The following SUPT5H variants were observed in gnomAD, a reference collection of about 807,000 sequenced individuals.
SUPT5H encodes the protein SPT5 homolog, DSIF elongation factor subunit, also known as transcription elongation factor SPT5.
SUPT5H carries 24 observed loss-of-function variants against 142.5 expected under a neutral mutation model. That is an observed-to-expected ratio of 0.17 (90% CI 0.12 to 0.24). The LOEUF is 0.24. Among genes scored for constraint, SUPT5H ranks in the 10% least tolerant of loss-of-function variants. SUPT5H has a pLI of 1.00. For missense variants in SUPT5H, 893 were observed against 1,471.8 expected, an observed-to-expected ratio of 0.61 and a Z score of 6.43; for synonymous variants, 546 against 553.0, an observed-to-expected ratio of 0.99 and a Z score of 0.18.
intron 2 of SUPT5H, 69 bp downstream of exon 2, chr19:39,446,034 G>T: frequency 6.5e-7 from 1 of 1,535,178 alleles, no homozygotes; most frequent in South Asian, 1.2e-5. Context: ...AGGCCCCTGT[G>T]GGAGGCTCGA....
At position 39,476,518 on chromosome 19, in the gene SUPT5H, G is replaced by C; in HGVS notation, c.*119G>C. On this transcript the variant is annotated 3_prime_UTR_variant, in exon 30 of 30. Coordinates refer to ENST00000432763, the MANE Select transcript of SUPT5H (RefSeq NM_001111020.3). ...GGCGGATTGTTCTGGATTTCCTTTT[G>C]TTTTTCCTTTTAGTTTTCCATCTTT... The C allele has an allele frequency of 2.9e-6, 4 of 1,364,802 alleles. No individual in the cohort carries two copies. Among genetic ancestry groups the C allele is most frequent in the Non-Finnish European group, 4.0e-6 (4 of 1,006,848 alleles). 84.5% of individuals were successfully genotyped at this position (1,364,802 alleles called of 1,614,324 possible). A position where few individuals can be genotyped will look rare whatever the true frequency, so the allele number is the denominator to read the frequency against.
chr19:39,473,451 C>T lies in SUPT5H; in HGVS notation c.2422C>T (p.Leu808=), dbSNP rs1249655707. ...RTPHYGSQTP[L]HDGSRTPAQS... ...CCCACACTACGGCTCACAGACGCCC[C>T]TGCATGATGGCAGCCGCACTCCTGC... is the stretch of plus-strand genomic sequence containing the variant. Residue 808 remains leucine, a synonymous_variant, in exon 25 of 30, where the codon CTG becomes TTG. Coordinates refer to ENST00000432763, the MANE Select transcript of SUPT5H (RefSeq NM_001111020.3). This position sits in a 1 kb window ranked among gnomAD's most constrained non-coding sequence, Gnocchi z 5.8. 9.3e-6 allele frequency: 15 copies of T among 1,613,328 alleles called. No individual in the cohort carries two copies. In the Admixed American group the frequency reaches 2.3e-4, roughly 25 times the overall value.
intron 10 of SUPT5H, 33 bp downstream of exon 10, chr19:39,459,993 G>C: frequency 6.2e-7 from 1 of 1,609,116 alleles, no homozygotes; most frequent in Non-Finnish European, 8.5e-7. Flanking sequence ...TTGGTGGGGA[G>C]ACATGGCAAC....
In SUPT5H at chr19:39,472,414, T is replaced by G. The variant is rs1312693579; in HGVS notation, c.1956T>G (p.Arg652=). Residue 652 remains arginine (R), a synonymous_variant, in exon 21 of 30, where the codon CGT becomes CGG. Transcript: ENST00000432763. This position sits in a 1 kb window ranked among gnomAD's most constrained non-coding sequence, Gnocchi z 4.2. ...HLVLAGGSKP[R]DVTNFTVGGF... is the part of the protein sequence containing the mutation. ...ACTCCTTGCTTCTATCCTAGCCCCGTGATGTGACCAACTTCACCGTGGGTG... is the reference window on the plus strand; with the variant it reads ...ACTCCTTGCTTCTATCCTAGCCCCGGGATGTGACCAACTTCACCGTGGGTG... 3.7e-6 allele frequency: 6 copies of G among 1,613,868 alleles called. No individual in the cohort carries two copies. In the African/African-American group the frequency reaches 6.7e-5, roughly 18 times the overall value.
rs1265762283 is a variant in SUPT5H, at chr19:39,466,208, A to T, written c.877-272A>T. On this transcript the variant is annotated intron_variant, in intron 11 of 29. Coordinates refer to ENST00000432763, the MANE Select transcript of SUPT5H (RefSeq NM_001111020.3). The surrounding 1 kb of genome is among the most constrained non-coding windows in gnomAD (Gnocchi z 4.3). ...AGGGAAGAATGGAGTGGGAGGCGGC[A>T]GGTTTGGGGGAATCAGCGGTTTGGC... is the stretch of plus-strand genomic sequence containing the variant. Among the ~76,000 whole-genome samples the T allele has an allele frequency of 1.3e-5, 2 of 152,086 alleles. No homozygotes were observed. The highest frequency in any genetic ancestry group is 2.9e-5 in the Non-Finnish European group (2 of 68,008).
chr19:39,448,118 G>T (rs1213923625), intron 2 of SUPT5H, among the ~76,000 whole-genome samples: 1 of 152,176 alleles, frequency 6.6e-6, no homozygotes, highest in Non-Finnish European at 1.5e-5. Context: ...GGATATGTTA[G>T]TTGCCATTTG....
In SUPT5H at chr19:39,473,217, C is replaced by T. The variant is rs530828946; in HGVS notation, c.2273C>T (p.Pro758Leu). The T allele has an allele frequency of 3.7e-5, 60 of 1,612,734 alleles. No individual in the cohort carries two copies. The highest frequency in any genetic ancestry group is 1.2e-4 in the South Asian group (11 of 91,076). ...TGCGTCCCCAGGGGCTCACGGCGCCCGGGCGGCATGACCTCGACCTATGGG... is the reference window on the plus strand; with the variant it reads ...TGCGTCCCCAGGGGCTCACGGCGCCTGGGCGGCATGACCTCGACCTATGGG... The part of the protein sequence containing the change: ...QRLTTVGSRR[P>L]GGMTSTYGRT... Residue 758 changes from proline (P) to leucine (L), a missense_variant, in exon 24 of 30, where the codon CCG becomes CTG. Pro to Leu is a moderately conservative substitution (Grantham distance 98). Around this residue, in one of 6 missense-constraint regions of SUPT5H, gnomAD observed 336 missense variants for 546.5 expected, o/e 0.61. Coordinates refer to ENST00000432763, the MANE Select transcript of SUPT5H (RefSeq NM_001111020.3). The surrounding 1 kb of genome is among the most constrained non-coding windows in gnomAD (Gnocchi z 5.8).
At chr19:39,464,712 A>G (rs889074872) in intron 10 of SUPT5H, 86 bp from the exon 11 acceptor site, 3 of 1,513,588 alleles carry the variant, frequency 2.0e-6, no homozygotes, top group Non-Finnish European at 2.7e-6. Context: ...AAATTCCTAG[A>G]AGAGGGACTG....
intron 10 of SUPT5H, among the ~76,000 whole-genome samples, chr19:39,460,980 A>C (rs1010740160): frequency 1.3e-4 from 20 of 152,098 alleles, no homozygotes; most frequent in African/African-American, 4.8e-4. Flanking sequence ...AATGTGCTCA[A>C]ATGTCCTCCT....
In SUPT5H at chr19:39,466,400, C is replaced by G. The variant is rs988983814; in HGVS notation, c.877-80C>G. 1.5e-6 allele frequency: 2 copies of G among 1,359,518 alleles called. No homozygotes were observed. The highest frequency in any genetic ancestry group is 2.1e-6 in the Non-Finnish European group (2 of 954,014). 84.2% of individuals were successfully genotyped at this position (1,359,518 alleles called of 1,614,324 possible). Reference sequence around the variant, plus strand: ...CACCATCCTGCGTCCCTTCTCCTTCCTAGCATCTCCTGACCCTTCTTGTGT... The same window carrying G: ...CACCATCCTGCGTCCCTTCTCCTTCGTAGCATCTCCTGACCCTTCTTGTGT... On this transcript the variant is annotated intron_variant, in intron 11 of 29. Transcript: ENST00000432763. The surrounding 1 kb of genome is among the most constrained non-coding windows in gnomAD (Gnocchi z 4.3).
chr19:39,445,622 A>G lies in SUPT5H; in HGVS notation c.-103A>G, dbSNP rs1600687600. On this transcript the variant is annotated 5_prime_UTR_variant, in exon 1 of 30. Transcript: ENST00000432763. ...GAACAGCAGCTGGTACCGAAGGCGGAGGTGGAGCCCGAGAGGTAAGTGCGT... is the reference window on the plus strand; with the variant it reads ...GAACAGCAGCTGGTACCGAAGGCGGGGGTGGAGCCCGAGAGGTAAGTGCGT... The G allele has an allele frequency of 2.2e-6, 1 of 459,964 alleles. No individual in the cohort carries two copies. Among genetic ancestry groups the G allele is most frequent in the African/African-American group, 1.9e-5 (1 of 51,734 alleles). 28.5% of individuals were successfully genotyped at this position (459,964 alleles called of 1,614,324 possible).
rs200402003 is a variant in SUPT5H, at chr19:39,472,952, G to C, written c.2155+23G>C. On this transcript the variant is annotated intron_variant, in intron 22 of 29. Coordinates refer to ENST00000432763, the MANE Select transcript of SUPT5H (RefSeq NM_001111020.3). This position sits in a 1 kb window ranked among gnomAD's most constrained non-coding sequence, Gnocchi z 4.2. ...AAGGTGACCTGCGAGGCCTGTGGAG[G>C]CCTGGGGAGGGGCATGGTGAAGGAG... is the stretch of plus-strand genomic sequence containing the variant. 42 of 1,611,734 alleles carry C rather than the reference G, an allele frequency of 2.6e-5. No individual in the cohort carries two copies. Among genetic ancestry groups the C allele is most frequent in the Non-Finnish European group, 3.2e-5 (38 of 1,178,536 alleles).
At position 39,473,886 on chromosome 19, in the gene SUPT5H, CTGGTGTAGGG is replaced by C; in HGVS notation, c.2493-74_2493-65del. 6.3e-7 allele frequency: 1 copy of C among 1,590,336 alleles called. No individual in the cohort carries two copies. Among genetic ancestry groups the C allele is most frequent in the South Asian group, 1.1e-5 (1 of 90,488 alleles). ...GAATGAAATTGCTTCAGTTGGGGGT[CTGGTGTAGGG>C]TGCTGTTCTGGAAGCATCCATCGCA... On this transcript the variant is annotated intron_variant, in intron 25 of 29. Transcript: ENST00000432763. The surrounding 1 kb of genome is among the most constrained non-coding windows in gnomAD (Gnocchi z 5.8).
At chr19:39,464,733 G>T (rs2079211784) in intron 10 of SUPT5H, 65 bp from the exon 11 acceptor site, 4 of 1,533,998 alleles carry the variant, frequency 2.6e-6, no homozygotes, top group African/African-American at 1.4e-5. Flanking sequence ...CTGATGAGTG[G>T]CAGTCATTTC....
chr19:39,454,128 G>T lies in SUPT5H; in HGVS notation c.241+607G>T, dbSNP rs1334550310. Among the ~76,000 whole-genome samples the T allele has an allele frequency of 3.9e-5, 6 of 152,306 alleles. No homozygotes were observed. In the South Asian group the frequency reaches 1.2e-3, roughly 32 times the overall value. ...TAAATGCTGCCTTGAGATACCTATAGCTGTAATGTGCTGTGAAAGAGCCAG... is the reference window on the plus strand; with the variant it reads ...TAAATGCTGCCTTGAGATACCTATATCTGTAATGTGCTGTGAAAGAGCCAG... On this transcript the variant is annotated intron_variant, in intron 3 of 29. Transcript: ENST00000432763.
Position 39,474,632 on chromosome 19 carries a change from G to A in SUPT5H, c.2938G>A (p.Val980Ile), listed in dbSNP as rs1394399024. 6.2e-7 allele frequency: 1 copy of A among 1,614,208 alleles called. No homozygotes were observed. Among genetic ancestry groups the A allele is most frequent in the South Asian group, 1.1e-5 (1 of 91,090 alleles). Residue 980 changes from valine (V) to isoleucine (I), a missense_variant, in exon 28 of 30, where the codon GTA becomes ATA. Physicochemically the swap from Val to Ile is conservative, Grantham distance 29 (BLOSUM62 3). Around this residue, in one of 6 missense-constraint regions of SUPT5H, gnomAD observed 336 missense variants for 546.5 expected, o/e 0.61. Transcript: ENST00000432763. This position sits in a 1 kb window ranked among gnomAD's most constrained non-coding sequence, Gnocchi z 6.5. ...SGIEQNSSDW[V>I]TTDIQVKVRD... ...CATCGAGCAGAACTCCAGCGACTGG[G>A]TAACCACTGACATTCAGGTGAAGGT...
At chr19:39,462,954 C>G (rs1249822767) in intron 10 of SUPT5H, among the ~76,000 whole-genome samples, 2 of 150,438 alleles carry the variant, frequency 1.3e-5, no homozygotes, top group African/African-American at 4.9e-5. Flanking sequence ...ATTCTCCTGC[C>G]TCAGCCTCCC....
chr19:39,457,541 C>T (rs2079105920), intron 3 of SUPT5H, 134 bp from the exon 4 acceptor site: 5 of 1,480,200 alleles, frequency 3.4e-6, no homozygotes, highest in East Asian at 2.3e-5. Flanking sequence ...ACGAGTGCCT[C>T]CCTGTTGGAG....
At position 39,473,006 on chromosome 19, in the gene SUPT5H, C is replaced by T. The variant is rs374819734; in HGVS notation, c.2156-6C>T. On this transcript the variant is annotated splice_polypyrimidine_tract_variant and splice_region_variant and intron_variant, in intron 22 of 29. Transcript: ENST00000432763. This position sits in a 1 kb window ranked among gnomAD's most constrained non-coding sequence, Gnocchi z 5.8. Reference sequence around the variant, plus strand: ...CTGCCCAGCCTGACCTCCTGTCCCCCTGCAGGCTACATCGGTGTGGTGAAA... The same window carrying T: ...CTGCCCAGCCTGACCTCCTGTCCCCTTGCAGGCTACATCGGTGTGGTGAAA... 1.9e-6 allele frequency: 3 copies of T among 1,613,580 alleles called. No homozygotes were observed. Among genetic ancestry groups the T allele is most frequent in the Non-Finnish European group, 2.5e-6 (3 of 1,179,656 alleles).
Sources: allele counts gnomAD v4.1 joint callset (sites outside exome capture counted in the v4.1 genomes callset), GRCh38; gene constraint gnomAD v4.1.1; regional missense constraint gnomAD v4.1.1; non-coding constraint Gnocchi (gnomAD v3.1); transcripts MANE v1.5; gene names NCBI Gene and HGNC (gene_info 2026-07-23, HGNC 2026-07-21).